Variants in CPEB3 observed in about 807,000 individuals in gnomAD.
CPEB3 encodes the protein cytoplasmic polyadenylation element-binding protein 3.
Under a neutral mutation model 67.2 loss-of-function variants are expected in CPEB3, and 20 were observed. That is an observed-to-expected ratio of 0.30 (90% CI 0.21 to 0.43). CPEB3 has a LOEUF of 0.43. CPEB3 is among the 20% of genes least tolerant of loss of function. The pLI is 1.00. For missense variants in CPEB3, 746 were observed against 968.6 expected, an observed-to-expected ratio of 0.77 and a Z score of 3.05; for synonymous variants, 376 against 393.1, an observed-to-expected ratio of 0.96 and a Z score of 0.51.
At chr10:92,147,611 G>A (rs1445312508) in intron 4 of CPEB3, among the ~76,000 whole-genome samples, 3 of 152,204 alleles carry the variant, frequency 2.0e-5, no homozygotes, top group Non-Finnish European at 1.5e-5. Flanking sequence ...TCACAGTCTG[G>A]TGGGGGAGAC....
chr10:92,111,484 C>T (rs1844738183), intron 6 of CPEB3, among the ~76,000 whole-genome samples: 1 of 152,192 alleles, frequency 6.6e-6, no homozygotes, highest in Admixed American at 6.5e-5. Context: ...TTGGCCTTAG[C>T]CACAACTAAC....
intron 3 of CPEB3, among the ~76,000 whole-genome samples, chr10:92,181,232 A>AG (rs932783400): frequency 2.0e-5 from 3 of 151,946 alleles, no homozygotes; most frequent in African/African-American, 7.2e-5. Flanking sequence ...TAAATAAAAA[A>AG]AAACAAAAAA....
chr10:92,233,337 T>C (rs569956599), intron 2 of CPEB3, among the ~76,000 whole-genome samples: 22 of 152,170 alleles, frequency 1.4e-4, no homozygotes, highest in African/African-American at 4.3e-4. Flanking sequence ...AAAACTAGCC[T>C]AGCCAACATG....
intron 2 of CPEB3, among the ~76,000 whole-genome samples, chr10:92,201,608 CT>C (rs1178292581): frequency 2.6e-5 from 4 of 152,154 alleles, no homozygotes; most frequent in Admixed American, 2.0e-4. Context: ...GCATATGTGA[CT>C]TTTGAAAGTG....
In CPEB3 at chr10:92,199,619, G is replaced by A. The variant is rs534170732; in HGVS notation, c.1006-6983C>T. Among the ~76,000 whole-genome samples, 37 of 149,352 alleles carry A rather than the reference G, an allele frequency of 2.5e-4. No homozygotes were observed. In the East Asian group the frequency reaches 6.3e-3, roughly 25 times the overall value. ...GAATCGCTTGAACCTGGGAGGCGGCGGTTGCAGTGAACCGAGATCACGCCA... is the reference window on the plus strand; with the variant it reads ...GAATCGCTTGAACCTGGGAGGCGGCAGTTGCAGTGAACCGAGATCACGCCA... On this transcript the variant is annotated intron_variant, in intron 2 of 9. Transcript: ENST00000265997.
intron 1 of CPEB3, among the ~76,000 whole-genome samples, chr10:92,275,845 C>CTTTTTTTTTTT (rs909549413): frequency 1.1e-5 from 1 of 92,966 alleles, no homozygotes. Flanking sequence ...TCATTCTTTT[C>CTTTTTTTTTTT]TTTTTTTTTT....
At chr10:92,290,489 A>G (rs961147748) in intron 1 of CPEB3, among the ~76,000 whole-genome samples, 4 of 152,130 alleles carry the variant, frequency 2.6e-5, no homozygotes, top group African/African-American at 9.7e-5. Context: ...AACGTGTTCC[A>G]TTTGGAGACT....
chr10:92,228,447 C>G (rs533387531), intron 2 of CPEB3, among the ~76,000 whole-genome samples: 1 of 152,084 alleles, frequency 6.6e-6, no homozygotes, highest in Non-Finnish European at 1.5e-5. Flanking sequence ...ATTTACCTCT[C>G]GTCTCCTTTA....
chr10:92,177,568 G>T (rs1305790328), intron 4 of CPEB3, among the ~76,000 whole-genome samples: 1 of 152,120 alleles, frequency 6.6e-6, no homozygotes, highest in Non-Finnish European at 1.5e-5. Flanking sequence ...CACAAACCTC[G>T]CCAATTTTTC....
At chr10:92,254,879 A>T (rs374474626) in intron 1 of CPEB3, among the ~76,000 whole-genome samples, 5 of 146,496 alleles carry the variant, frequency 3.4e-5, no homozygotes, top group East Asian at 2.0e-4. Context: ...TTTTATTTTT[A>T]TTTTTTTTTC....
intron 6 of CPEB3, chr10:92,118,916 T>G: frequency 3.8e-6 from 4 of 1,058,958 alleles, no homozygotes; most frequent in Non-Finnish European, 5.9e-6. Flanking sequence ...TTTTGGCATG[T>G]CAGCCCTGTT....
chr10:92,161,068 G>A (rs1015969949), intron 4 of CPEB3, among the ~76,000 whole-genome samples: 4 of 151,992 alleles, frequency 2.6e-5, no homozygotes, highest in Non-Finnish European at 4.4e-5. Context: ...GTAGAGACAG[G>A]GTTTCACCAT....
At chr10:92,229,094 G>A (rs1353599035) in intron 2 of CPEB3, among the ~76,000 whole-genome samples, 1 of 151,652 alleles carries the variant, frequency 6.6e-6, no homozygotes, top group Admixed American at 6.6e-5. Flanking sequence ...CACAATCATG[G>A]CTCACTATAA....
At chr10:92,064,331 A>G (rs1228015047) in intron 9 of CPEB3, among the ~76,000 whole-genome samples, 1 of 152,222 alleles carries the variant, frequency 6.6e-6, no homozygotes, top group Non-Finnish European at 1.5e-5. Context: ...AACCCAGAAG[A>G]TAGAGTAGGT....
rs57685491 is a variant in CPEB3, at chr10:92,084,960, C to T, written c.1688-3459G>A. ...AAACAATAGTCAAACAACTGCTGTT[C>T]ATATTTGGTCTTTTGCTCAACCAGT... is the stretch of plus-strand genomic sequence containing the variant. On this transcript the variant is annotated intron_variant, in intron 8 of 9. Coordinates refer to ENST00000265997, the MANE Select transcript of CPEB3 (RefSeq NM_014912.5). 1.1e-3 allele frequency among the ~76,000 whole-genome samples: 163 copies of T among 152,240 alleles called. 4 individuals are homozygous for T. In the East Asian group the frequency reaches 0.026, roughly 25 times the overall value.
chr10:92,122,316 A>G (rs901878637), intron 6 of CPEB3, among the ~76,000 whole-genome samples: 6 of 152,340 alleles, frequency 3.9e-5, no homozygotes, highest in African/African-American at 9.6e-5. Context: ...CGGCATGGAA[A>G]GGCCAAAGGG....
At chr10:92,206,218 C>T (rs1010133440) in intron 2 of CPEB3, among the ~76,000 whole-genome samples, 6 of 151,644 alleles carry the variant, frequency 4.0e-5, no homozygotes, top group African/African-American at 9.7e-5. Flanking sequence ...ATTACAGGCA[C>T]GCGCCACCAC....
At position 92,135,460 on chromosome 10, in the gene CPEB3, G is replaced by T. The variant is rs148278810; in HGVS notation, c.1453+7569C>A. ...GAAATGCAAATCAAAACCACAATGA[G>T]ATACCATCTCACGCCAGTTAGAATG... On this transcript the variant is annotated intron_variant, in intron 6 of 9. Transcript: ENST00000265997. Among the ~76,000 whole-genome samples, 612 of 152,286 alleles carry T rather than the reference G, an allele frequency of 4.0e-3. 3 individuals carry two copies. Among genetic ancestry groups the T allele is most frequent in the Middle Eastern group, 0.01 (3 of 294 alleles).
At chr10:92,260,367 A>C (rs1852736861) in intron 1 of CPEB3, among the ~76,000 whole-genome samples, 1 of 151,908 alleles carries the variant, frequency 6.6e-6, no homozygotes, top group South Asian at 2.1e-4. Context: ...CCTGACCAAT[A>C]TGATGAAACC....
Sources: allele counts gnomAD v4.1 joint callset (sites outside exome capture counted in the v4.1 genomes callset), GRCh38; gene constraint gnomAD v4.1.1; transcripts MANE v1.5; gene names NCBI Gene and HGNC (gene_info 2026-07-23, HGNC 2026-07-21).